Variants in HCN1 observed in about 807,000 individuals in gnomAD.
HCN1 encodes hyperpolarization activated cyclic nucleotide gated potassium channel 1, also known as potassium/sodium hyperpolarization-activated cyclic nucleotide-gated channel 1.
A neutral mutation model predicts 78.9 loss-of-function variants in HCN1; 13 were observed. The ratio of observed to expected loss-of-function variants is 0.16; its 90% CI spans 0.11 to 0.26. HCN1 has a LOEUF of 0.26. Ranked by LOEUF, HCN1 falls within the 10% of genes least tolerant of loss-of-function variation. The pLI, the probability that HCN1 is intolerant of heterozygous loss-of-function variation, is 1.00. For synonymous variants in HCN1, 552 were observed against 455.5 expected, an observed-to-expected ratio of 1.21 and a Z score of -2.70; for missense variants, 810 against 1,154.3, an observed-to-expected ratio of 0.70 and a Z score of 4.32.
intron 7 of HCN1, among the ~76,000 whole-genome samples, chr5:45,264,925 T>C (rs1241246825): frequency 2.6e-5 from 4 of 152,220 alleles, no homozygotes; most frequent in Non-Finnish European, 5.9e-5. Flanking sequence ...GCGCGGTGGC[T>C]CATGCCTGTA....
At chr5:45,486,798 CCTAAGT>C (rs2111688456) in intron 2 of HCN1, among the ~76,000 whole-genome samples, 1 of 152,082 alleles carries the variant, frequency 6.6e-6, no homozygotes, top group African/African-American at 2.4e-5. Context: ...AGGGAATACA[CCTAAGT>C]CTATGTATGC....
At chr5:45,607,648 T>C (rs1287562000) in intron 2 of HCN1, among the ~76,000 whole-genome samples, 2 of 150,610 alleles carry the variant, frequency 1.3e-5, no homozygotes, top group African/African-American at 4.8e-5. Context: ...GAGAGTCATC[T>C]TGATAAATAC....
chr5:45,328,846 G>C (rs1746287473), intron 5 of HCN1, among the ~76,000 whole-genome samples: 1 of 151,650 alleles, frequency 6.6e-6, no homozygotes, highest in Admixed American at 6.6e-5. Context: ...ACACAATTTA[G>C]TTAATAAGCG....
chr5:45,305,360 T>C (rs1271955629), intron 5 of HCN1, among the ~76,000 whole-genome samples: 4 of 152,192 alleles, frequency 2.6e-5, no homozygotes, highest in African/African-American at 9.6e-5. Context: ...CAATATTTTA[T>C]GAGTTTAGCA....
At chr5:45,660,780 A>T (rs918281492) in intron 1 of HCN1, among the ~76,000 whole-genome samples, 4 of 131,840 alleles carry the variant, frequency 3.0e-5, no homozygotes, top group African/African-American at 8.9e-5. Context: ...TGCACCCAAT[A>T]CAGGAGCACC....
intron 2 of HCN1, among the ~76,000 whole-genome samples, chr5:45,631,863 T>G (rs192350979): frequency 6.6e-6 from 1 of 152,270 alleles, no homozygotes; most frequent in Admixed American, 6.5e-5. Flanking sequence ...CAAATTTAAG[T>G]TGTAGTTCTT....
chr5:45,604,426 AG>A (rs1209477263), intron 2 of HCN1, among the ~76,000 whole-genome samples: 1 of 151,928 alleles, frequency 6.6e-6, no homozygotes, highest in African/African-American at 2.4e-5. Flanking sequence ...CATGAAAGAA[AG>A]TCTGTGCTTT....
intron 3 of HCN1, among the ~76,000 whole-genome samples, chr5:45,417,047 C>T (rs1215611669): frequency 6.6e-6 from 1 of 151,954 alleles, no homozygotes; most frequent in Non-Finnish European, 1.5e-5. Context: ...ACAAACAACC[C>T]TGAATTAGTT....
intron 2 of HCN1, among the ~76,000 whole-genome samples, chr5:45,511,141 C>A (rs932195029): frequency 6.6e-6 from 1 of 151,858 alleles, no homozygotes; most frequent in African/African-American, 2.4e-5. Context: ...CATGAGCTCT[C>A]CATGGCCAAA....
rs138705620 is a variant in HCN1 at position 45,499,242 on chromosome 5, C to A, written c.850-37235G>T. On this transcript the variant is annotated intron_variant, in intron 2 of 7. Transcript: ENST00000303230. ...TGCTAGTAATCAGCAGGACTCCATG[C>A]GCATGCACGTAGGCCCCTCCAAGCC... Among the ~76,000 whole-genome samples the A allele has an allele frequency of 4.0e-5, 6 of 151,886 alleles. 1 individual carries two copies. The South Asian group carries it at 1.2e-3, about 31-fold the overall frequency.
At position 45,401,116 on chromosome 5, in the gene HCN1, AGT is replaced by A. The variant is rs770623849; in HGVS notation, c.1012-4408_1012-4407del. Among the ~76,000 whole-genome samples the A allele has an allele frequency of 1.3e-3, 204 of 152,260 alleles. 1 individual carries two copies. The highest frequency in any genetic ancestry group is 9.1e-4 in the Non-Finnish European group (62 of 68,004). Reference sequence around the variant, plus strand: ...TCTTTCTGTCAGTAACACTCCCAAGAGTGTGATTGTTGGTTCAAAGAGTAAGA... The same window carrying A: ...TCTTTCTGTCAGTAACACTCCCAAGAGTGATTGTTGGTTCAAAGAGTAAGA... On this transcript the variant is annotated intron_variant, in intron 3 of 7. Coordinates refer to ENST00000303230, the MANE Select transcript of HCN1 (RefSeq NM_021072.4).
At chr5:45,563,750 T>A (rs1743652815) in intron 2 of HCN1, among the ~76,000 whole-genome samples, 1 of 151,360 alleles carries the variant, frequency 6.6e-6, no homozygotes, top group Non-Finnish European at 1.5e-5. Context: ...TAATGAATAG[T>A]CATCATATAC....
Position 45,257,316 on chromosome 5 carries a change from T to C in HCN1, c.*4605A>G, listed in dbSNP as rs1008218852. On this transcript the variant is annotated 3_prime_UTR_variant, in exon 8 of 8. Transcript: ENST00000303230. ...CACCCTGTGAGACACTCCAGCTGCA[T>C]TGAACTGCCAGTGTTCCCAATCAGC... 8.5e-5 allele frequency: 13 copies of C among 152,220 alleles called. No homozygotes were observed. The highest frequency in any genetic ancestry group is 3.1e-4 in the African/African-American group (13 of 41,454). The allele number at this position is 152,220 out of a possible 1,614,324, so 9.4% of individuals were successfully genotyped here. A position where few individuals can be genotyped will look rare whatever the true frequency, so the allele number is the denominator to read the frequency against.
chr5:45,314,046 A>G (rs1381738119), intron 5 of HCN1, among the ~76,000 whole-genome samples: 1 of 152,214 alleles, frequency 6.6e-6, no homozygotes, highest in Non-Finnish European at 1.5e-5. Flanking sequence ...GAGCAACTCC[A>G]AGACAAATAA....
In HCN1 at chr5:45,396,488, T is replaced by C; in HGVS notation, c.1230+4A>G. ...AGACATTGGCGATAAATAAAACAAA[T>C]TACCTTCTCTTGATACTGCCGCCTC... On this transcript the variant is annotated splice_donor_region_variant and intron_variant, in intron 4 of 7. Transcript: ENST00000303230. 6.2e-7 allele frequency: 1 copy of C among 1,611,884 alleles called. No homozygotes were observed. The highest frequency in any genetic ancestry group is 8.5e-7 in the Non-Finnish European group (1 of 1,178,908).
At chr5:45,432,790 G>A (rs998343348) in intron 3 of HCN1, among the ~76,000 whole-genome samples, 6 of 151,962 alleles carry the variant, frequency 3.9e-5, no homozygotes, top group Non-Finnish European at 8.8e-5. Flanking sequence ...GTGTTAGTCT[G>A]TTCTCATGTT....
chr5:45,596,943 T>C (rs1021495331), intron 2 of HCN1, among the ~76,000 whole-genome samples: 3 of 152,190 alleles, frequency 2.0e-5, no homozygotes, highest in Non-Finnish European at 4.4e-5. Flanking sequence ...AGTACATTTA[T>C]CTGCTTCATT....
intron 3 of HCN1, among the ~76,000 whole-genome samples, chr5:45,405,297 G>A (rs997813120): frequency 3.9e-5 from 6 of 152,144 alleles, no homozygotes; most frequent in African/African-American, 1.4e-4. Flanking sequence ...CAAAAAGAGT[G>A]TGTTTACTTG....
intron 3 of HCN1, among the ~76,000 whole-genome samples, chr5:45,441,229 A>AT (rs772061107): frequency 1.3e-5 from 2 of 151,888 alleles, no homozygotes; most frequent in East Asian, 1.9e-4. Flanking sequence ...TTTATGTTCT[A>AT]TTTTTTTCTG....
Sources: gnomAD v4.1 joint callset for allele counts (sites outside exome capture counted in the v4.1 genomes callset) on GRCh38, gnomAD v4.1.1 for gene constraint, MANE v1.5 for transcripts, NCBI Gene and HGNC (gene_info 2026-07-23, HGNC 2026-07-21) for gene names.